TADA2A: variants seen among roughly 807,000 people sequenced by gnomAD.
TADA2A encodes the protein transcriptional adaptor 2A, also known as transcriptional adapter 2-alpha.
Under a neutral mutation model 67.4 loss-of-function variants are expected in TADA2A, and 38 were observed. The ratio of observed to expected loss-of-function variants is 0.56; its 90% CI spans 0.44 to 0.74. The LOEUF is 0.74. TADA2A is among the 30% of genes least tolerant of loss of function. The probability of loss-of-function intolerance (pLI) is 0.00; values close to 1 mark genes in which losing one functional copy is unlikely to be tolerated. For missense variants in TADA2A, 454 were observed against 547.0 expected (o/e 0.83, Z 1.70); for synonymous variants, 192 against 181.6 (o/e 1.06, Z -0.46).
chr17:37,453,762 T>C (rs1275180523), intron 8 of TADA2A, among the ~76,000 whole-genome samples: 1 of 47,664 alleles, frequency 2.1e-5, no homozygotes, highest in African/African-American at 9.0e-5. Flanking sequence ...ATAACTGATT[T>C]TTTTTTTTTT....
chr17:37,473,867 T>G (rs1251092370), intron 14 of TADA2A, among the ~76,000 whole-genome samples: 3 of 152,226 alleles, frequency 2.0e-5, no homozygotes, highest in Non-Finnish European at 2.9e-5. Context: ...GGCCTTTTGC[T>G]GGCCTAACAG....
intron 2 of TADA2A, among the ~76,000 whole-genome samples, chr17:37,413,046 C>T (rs2051926541): frequency 6.6e-6 from 1 of 151,878 alleles, no homozygotes; most frequent in South Asian, 2.1e-4. Context: ...TCCGTCTCAG[C>T]CTCCCGAGTA....
chr17:37,451,535 T>C (rs1380419768), intron 8 of TADA2A, among the ~76,000 whole-genome samples: 5 of 152,052 alleles, frequency 3.3e-5, no homozygotes, highest in African/African-American at 4.8e-5. Context: ...TTGCCCAGGC[T>C]GGTCTCGAAC....
chr17:37,471,234 G>GT (rs1413612270), intron 14 of TADA2A, 97 bp downstream of exon 14: 2 of 1,285,610 alleles, frequency 1.6e-6, no homozygotes, highest in Non-Finnish European at 2.2e-6. Flanking sequence ...TGGTGTCAGG[G>GT]TGCTTAGGCA....
At chr17:37,432,572 A>C (rs1257709008) in intron 4 of TADA2A, among the ~76,000 whole-genome samples, 1 of 152,204 alleles carries the variant, frequency 6.6e-6, no homozygotes, top group Admixed American at 6.5e-5. Flanking sequence ...GTACGAACAT[A>C]ATACAGTTTT....
Position 37,463,909 on chromosome 17 carries a change from T to C in TADA2A, c.713-1522T>C, listed in dbSNP as rs9915610. Among the ~76,000 whole-genome samples, 1,075 of 151,860 alleles carry C rather than the reference T, an allele frequency of 7.1e-3. 15 individuals are homozygous for C. The highest frequency in any genetic ancestry group is 0.025 in the African/African-American group (1,025 of 41,440). ...CGGAGGTCGCAGTGAGCCAAGATCGTGCTACTGCTCTCCAGCCTGGGCGAC... is the reference window on the plus strand; with the variant it reads ...CGGAGGTCGCAGTGAGCCAAGATCGCGCTACTGCTCTCCAGCCTGGGCGAC... On this transcript the variant is annotated intron_variant, in intron 10 of 15. Coordinates refer to ENST00000615182, the MANE Select transcript of TADA2A (RefSeq NM_001166105.3).
chr17:37,423,648 GT>G lies in TADA2A; in HGVS notation c.132+37del, dbSNP rs571088413. 9.9e-4 allele frequency: 1,460 copies of G among 1,477,560 alleles called. 4 individuals carry two copies. The highest frequency in any genetic ancestry group is 1.2e-3 in the Non-Finnish European group (1,337 of 1,073,294). The allele number at this position is 1,477,560 out of a possible 1,614,324, so 91.5% of individuals were successfully genotyped here. On this transcript the variant is annotated intron_variant, in intron 3 of 15. Coordinates refer to ENST00000615182, the MANE Select transcript of TADA2A (RefSeq NM_001166105.3). Reference sequence around the variant, plus strand: ...ACTAATGCTGGCTTCTCCTAGCCTAGTTTTATGCTATTTTTTATGATGTAAT... The same window carrying G: ...ACTAATGCTGGCTTCTCCTAGCCTAGTTTATGCTATTTTTTATGATGTAAT...
chr17:37,469,031 G>A (rs747618466), intron 12 of TADA2A, among the ~76,000 whole-genome samples: 24 of 151,812 alleles, frequency 1.6e-4, no homozygotes, highest in Non-Finnish European at 2.8e-4. Flanking sequence ...CTCCTGAGTA[G>A]CTGGGACTAC....
At chr17:37,462,444 T>C (rs997460110) in intron 10 of TADA2A, among the ~76,000 whole-genome samples, 4 of 151,692 alleles carry the variant, frequency 2.6e-5, no homozygotes, top group African/African-American at 4.8e-5. Flanking sequence ...CTGGCTAACA[T>C]GGTGAAACCC....
intron 8 of TADA2A, among the ~76,000 whole-genome samples, chr17:37,455,705 C>T (rs1291401119): frequency 6.6e-6 from 1 of 152,094 alleles, no homozygotes; most frequent in Non-Finnish European, 1.5e-5. Context: ...TTAAAATACA[C>T]ATTTCATTTT....
rs975330278 is a variant in TADA2A at position 37,479,253 on chromosome 17, G to C, written c.*2271G>C. On this transcript the variant is annotated 3_prime_UTR_variant, in exon 16 of 16. Coordinates refer to ENST00000615182, the MANE Select transcript of TADA2A (RefSeq NM_001166105.3). ...GGGTGTAAGGACAATGGTGCCAAGA[G>C]ATTTATTTGGCTAGAACACAAGGGG... 6.6e-6 allele frequency: 1 copy of C among 152,320 alleles called. No homozygotes were observed. The highest frequency in any genetic ancestry group is 1.5e-5 in the Non-Finnish European group (1 of 68,048). 9.4% of individuals were successfully genotyped at this position (152,320 alleles called of 1,614,324 possible).
intron 9 of TADA2A, among the ~76,000 whole-genome samples, chr17:37,459,767 A>T (rs562645858): frequency 6.6e-6 from 1 of 150,544 alleles, no homozygotes; most frequent in South Asian, 2.1e-4. Context: ...TAATTTTAAA[A>T]CCTTTTTCTT....
At chr17:37,467,407 G>T (rs757711548) in intron 11 of TADA2A, 47 bp from the exon 12 acceptor site, 1 of 1,529,716 alleles carries the variant, frequency 6.5e-7, no homozygotes, top group Non-Finnish European at 9.0e-7. Context: ...CACTAATGTT[G>T]CTTTTGTTTT....
At position 37,440,568 on chromosome 17, in the gene TADA2A, GCATTT is replaced by G; in HGVS notation, c.352_356del (p.Phe118GlnfsTer2). The stretch of plus-strand genomic sequence containing the variant: ...AGGAGTGTGAGAAGCACTATATGAA[GCATTT>G]CATCAATAACCCTCTGTTTGCATCT... On this transcript the variant is annotated frameshift_variant, in exon 6 of 16. Transcript: ENST00000615182. LOFTEE classifies it high-confidence loss of function. 1 of 1,614,060 alleles carries G rather than the reference GCATTT, an allele frequency of 6.2e-7. No individual in the cohort carries two copies. Among genetic ancestry groups the G allele is most frequent in the South Asian group, 1.1e-5 (1 of 91,078 alleles).
rs974481687 is a variant in TADA2A, at chr17:37,433,379, C to T, written c.193-4359C>T. The stretch of plus-strand genomic sequence containing the variant: ...TCAAAATTGAGAAATGAACATTGGC[C>T]GGGTGCGGTGGCTCCTTCCTGTAAT... On this transcript the variant is annotated intron_variant, in intron 4 of 15. Transcript: ENST00000615182. 3.4e-4 allele frequency among the ~76,000 whole-genome samples: 51 copies of T among 152,172 alleles called. 1 individual carries two copies. Among genetic ancestry groups the T allele is most frequent in the Non-Finnish European group, 4.4e-5 (3 of 67,988 alleles).
chr17:37,446,103 GTTTT>G (rs200210448), intron 8 of TADA2A, among the ~76,000 whole-genome samples: 25 of 117,024 alleles, frequency 2.1e-4, no homozygotes, highest in African/African-American at 5.4e-4. Flanking sequence ...TTTTGGGGGG[GTTTT>G]TTTTTTTTTT....
At chr17:37,441,870 G>T (rs1402265425) in intron 6 of TADA2A, among the ~76,000 whole-genome samples, 2 of 152,096 alleles carry the variant, frequency 1.3e-5, no homozygotes, top group African/African-American at 4.8e-5. Flanking sequence ...GTTTTGCTGT[G>T]TTGGCGAGGC....
intron 5 of TADA2A, chr17:37,438,093 T>C: frequency 2.9e-6 from 1 of 348,396 alleles, no homozygotes; most frequent in Non-Finnish European, 5.2e-6. Flanking sequence ...GATTGATTAT[T>C]ATTCCTTTCT....
At chr17:37,421,140 ATTCCACCACT>A (rs1471714573) in intron 2 of TADA2A, among the ~76,000 whole-genome samples, 1 of 146,566 alleles carries the variant, frequency 6.8e-6, no homozygotes, top group Non-Finnish European at 1.5e-5. Context: ...CATGCCTATA[ATTCCACCACT>A]TTGGGAAGCT....
Sources: gnomAD v4.1 joint callset for allele counts (sites outside exome capture counted in the v4.1 genomes callset) on GRCh38, gnomAD v4.1.1 for gene constraint, MANE v1.5 for transcripts, NCBI Gene and HGNC (gene_info 2026-07-23, HGNC 2026-07-21) for gene names.